Variants in PIK3C2G observed in about 807,000 individuals in gnomAD.
PIK3C2G encodes the protein phosphatidylinositol-4-phosphate 3-kinase catalytic subunit type 2 gamma.
A neutral mutation model predicts 181.1 loss-of-function variants in PIK3C2G; 168 were observed. The observed-to-expected ratio is 0.93, with a 90% confidence interval of 0.82 to 1.05. PIK3C2G has a LOEUF of 1.05. Among genes scored for constraint, PIK3C2G ranks in the 50% least tolerant of loss-of-function variants. PIK3C2G has a pLI of 0.00. For missense variants in PIK3C2G, 1,869 were observed against 1,732.8 expected (o/e 1.08, Z -1.40); for synonymous variants, 573 against 592.2 (o/e 0.97, Z 0.47).
At chr12:18,312,003 G>A (rs1261231669) in intron 5 of PIK3C2G, among the ~76,000 whole-genome samples, 1 of 152,144 alleles carries the variant, frequency 6.6e-6, no homozygotes, top group East Asian at 1.9e-4. Flanking sequence ...GGAGAAAGAT[G>A]TAGGCTGCGA....
At chr12:18,439,566 A>G (rs1946625669) in intron 18 of PIK3C2G, among the ~76,000 whole-genome samples, 1 of 150,140 alleles carries the variant, frequency 6.7e-6, no homozygotes, top group African/African-American at 2.5e-5. Flanking sequence ...TTTCCCACCA[A>G]CTTTCTGAGC....
At chr12:18,665,042 A>C in the PIK3C2G span, among the ~76,000 whole-genome samples, 1 of 150,416 alleles carries the variant, frequency 6.6e-6, no homozygotes, top group African/African-American at 2.4e-5. Flanking sequence ...AGCATTAGGA[A>C]ATATACCTAA....
At chr12:18,404,492 A>G (rs1197418618) in intron 16 of PIK3C2G, among the ~76,000 whole-genome samples, 1 of 152,204 alleles carries the variant, frequency 6.6e-6, no homozygotes, top group East Asian at 1.9e-4. Context: ...GTACTCTACG[A>G]GCCCAAAGGA....
chr12:18,405,649 G>C (rs1944487707), intron 16 of PIK3C2G, among the ~76,000 whole-genome samples: 1 of 152,060 alleles, frequency 6.6e-6, no homozygotes, highest in East Asian at 1.9e-4. Context: ...GATTTTCAAA[G>C]GCTTTAAAGA....
chr12:18,588,198 T>C (rs1312208042), intron 29 of PIK3C2G, among the ~76,000 whole-genome samples: 1 of 151,938 alleles, frequency 6.6e-6, no homozygotes, highest in Admixed American at 6.6e-5. Flanking sequence ...CAGGCAAAGA[T>C]TTCATGATGA....
chr12:18,659,967 G>GC, the PIK3C2G span, among the ~76,000 whole-genome samples: 1 of 152,078 alleles, frequency 6.6e-6, no homozygotes, highest in Non-Finnish European at 1.5e-5. Flanking sequence ...AAAGAACACT[G>GC]CTAAAGATAA....
At chr12:18,510,293 C>T (rs148780680) in intron 24 of PIK3C2G, among the ~76,000 whole-genome samples, 9 of 152,196 alleles carry the variant, frequency 5.9e-5, no homozygotes, top group African/African-American at 2.2e-4. Flanking sequence ...TTTCTTTCAC[C>T]GATACAAATT....
At chr12:18,551,597 A>G (rs1318862159) in intron 26 of PIK3C2G, among the ~76,000 whole-genome samples, 1 of 152,132 alleles carries the variant, frequency 6.6e-6, no homozygotes, top group East Asian at 1.9e-4. Flanking sequence ...AACTGAAGCC[A>G]GCTTCAAGCA....
intron 10 of PIK3C2G, among the ~76,000 whole-genome samples, chr12:18,344,871 T>C (rs1226175001): frequency 6.6e-6 from 1 of 152,164 alleles, no homozygotes; most frequent in Non-Finnish European, 1.5e-5. Flanking sequence ...ATTTGAAATG[T>C]AGTCTGCATC....
chr12:18,508,742 A>C (rs141730493), intron 24 of PIK3C2G, among the ~76,000 whole-genome samples: 1 of 152,168 alleles, frequency 6.6e-6, no homozygotes, highest in Non-Finnish European at 1.5e-5. Flanking sequence ...CCAGTAATGG[A>C]ACACTAGACA....
chr12:18,473,671 A>T (rs1421151451), intron 18 of PIK3C2G, among the ~76,000 whole-genome samples: 2 of 152,160 alleles, frequency 1.3e-5, no homozygotes, highest in African/African-American at 4.8e-5. Flanking sequence ...GTGCCTGCTG[A>T]ATTGATTCTG....
intron 3 of PIK3C2G, among the ~76,000 whole-genome samples, chr12:18,290,647 A>C (rs762717801): frequency 6.6e-6 from 1 of 152,168 alleles, no homozygotes; most frequent in Non-Finnish European, 1.5e-5. Flanking sequence ...AGTCCTTTAC[A>C]CTTGTTTTTG....
intron 29 of PIK3C2G, among the ~76,000 whole-genome samples, chr12:18,588,498 C>T (rs927355520): frequency 5.9e-5 from 9 of 151,994 alleles, no homozygotes; most frequent in Non-Finnish European, 1.0e-4. Context: ...AAAAATTACT[C>T]ATATCACTGA....
intron 11 of PIK3C2G, chr12:18,358,350 G>A (rs961802842): frequency 6.4e-6 from 1 of 156,728 alleles, no homozygotes; most frequent in African/African-American, 2.4e-5. Flanking sequence ...AGGATAGTTT[G>A]AGATCATTTC....
intron 4 of PIK3C2G, among the ~76,000 whole-genome samples, chr12:18,292,227 A>AAATATATAT: frequency 3.7e-4 from 18 of 48,726 alleles, no homozygotes; most frequent in East Asian, 3.4e-3. Flanking sequence ...AAAAAAAAAA[A>AAATATATAT]ATATATATAT....
At chr12:18,252,708 A>G (rs1381802308) in intron 1 of PIK3C2G, among the ~76,000 whole-genome samples, 2 of 152,182 alleles carry the variant, frequency 1.3e-5, no homozygotes, top group East Asian at 3.9e-4. Context: ...GTCTTCAGAA[A>G]CATATACATT....
chr12:18,584,591 G>A (rs1245766176), intron 29 of PIK3C2G, among the ~76,000 whole-genome samples: 1 of 152,066 alleles, frequency 6.6e-6, no homozygotes, highest in Non-Finnish European at 1.5e-5. Context: ...AAGGAATCGG[G>A]AGAAAGCAAA....
chr12:18,429,559 T>C (rs1946035212), intron 18 of PIK3C2G, among the ~76,000 whole-genome samples: 1 of 152,048 alleles, frequency 6.6e-6, no homozygotes, highest in Non-Finnish European at 1.5e-5. Flanking sequence ...AGACATCATA[T>C]CACACTCCCT....
intron 31 of PIK3C2G, among the ~76,000 whole-genome samples, chr12:18,613,388 A>G (rs942843172): frequency 6.6e-6 from 1 of 152,270 alleles, no homozygotes; most frequent in East Asian, 1.9e-4. Flanking sequence ...ATCCTTTCAT[A>G]AGACAAAAGA....
Sources: gnomAD v4.1 joint callset for allele counts (sites outside exome capture counted in the v4.1 genomes callset) on GRCh38, gnomAD v4.1.1 for gene constraint, MANE v1.5 for transcripts, NCBI Gene and HGNC (gene_info 2026-07-23, HGNC 2026-07-21) for gene names.